Variants in NTN5 observed in about 807,000 individuals in gnomAD.
NTN5 encodes netrin 5.
NTN5 carries 42 observed loss-of-function variants against 38.7 expected under a neutral mutation model. The observed-to-expected ratio is 1.08, with a 90% CI of 0.85 to 1.40. The LOEUF is 1.40. Among genes scored for constraint, NTN5 ranks in the 40% most tolerant of loss-of-function variants. The pLI is 0.00. For synonymous variants in NTN5, 329 were observed against 303.9 expected (o/e 1.08, Z -0.86); for missense variants, 658 against 716.5 (o/e 0.92, Z 0.93).
chr19:48,667,264 A>G, intron 2 of NTN5: 1 of 182,980 alleles, frequency 5.5e-6, no homozygotes, highest in Non-Finnish European at 1.2e-5. Flanking sequence ...GATGTCTGTG[A>G]AGCCCATAGC....
intron 5 of NTN5, 103 bp from the exon 6 acceptor site, chr19:48,663,646 C>A: frequency 6.6e-7 from 1 of 1,522,772 alleles, no homozygotes; most frequent in East Asian, 2.3e-5. Context: ...GCTGGGGTAC[C>A]CAAACCTTTG....
intron 2 of NTN5, among the ~76,000 whole-genome samples, chr19:48,669,804 C>CCATCAT (rs1406421496): frequency 1.2e-5 from 1 of 86,278 alleles, no homozygotes; most frequent in Non-Finnish European, 2.7e-5. Context: ...ACCATCACCA[C>CCATCAT]CATCATCACC....
chr19:48,661,439 C>A lies in NTN5; in HGVS notation c.*238G>T, dbSNP rs532776696. Reference sequence around the variant, plus strand: ...AGATTTGAGACTTTATTGGGGGAAACAGATCACTGGCGGGGAATAAGCCAC... The same window carrying A: ...AGATTTGAGACTTTATTGGGGGAAAAAGATCACTGGCGGGGAATAAGCCAC... On this transcript the variant is annotated 3_prime_UTR_variant, in exon 7 of 7. Transcript: ENST00000270235. The A allele has an allele frequency of 4.9e-6, 2 of 407,290 alleles. No homozygotes were observed. The highest frequency in any genetic ancestry group is 8.5e-6 in the Non-Finnish European group (2 of 234,202). 25.2% of individuals were successfully genotyped at this position (407,290 alleles called of 1,614,324 possible).
At chr19:48,672,368 C>T (rs1279378991) in intron 1 of NTN5, among the ~76,000 whole-genome samples, 2 of 152,174 alleles carry the variant, frequency 1.3e-5, no homozygotes, top group African/African-American at 4.8e-5. Context: ...CTTTCCAGGC[C>T]CTTGGCTCTG....
Position 48,670,955 on chromosome 19 carries a change from A to T in NTN5, c.32T>A (p.Leu11Gln). The T allele has an allele frequency of 6.5e-7, 1 of 1,548,842 alleles. No homozygotes were observed. Among genetic ancestry groups the T allele is most frequent in the Non-Finnish European group, 8.7e-7 (1 of 1,147,060 alleles). The change falls in exon 2 of 7, where the codon CTG becomes CAG. Residue 11 changes from leucine (L) to glutamine (Q), a missense_variant. Leu to Gln is a moderately radical substitution (Grantham distance 113). Coordinates refer to ENST00000270235, the MANE Select transcript of NTN5 (RefSeq NM_145807.4). The part of the protein sequence containing the change: MPVTFALLLL[L>Q]GQATADPCYD... ...GCATGGGTCCGCAGTGGCCTGGCCC[A>T]GGAGGAGCAGGAGGGCAAAGGTCAC...
At chr19:48,672,123 G>A (rs1445842136) in intron 1 of NTN5, among the ~76,000 whole-genome samples, 1 of 152,192 alleles carries the variant, frequency 6.6e-6, no homozygotes, top group Non-Finnish European at 1.5e-5. Flanking sequence ...GAGTTCCCCA[G>A]AGCAGATGGG....
At chr19:48,666,002 ATAGCCCAGGCC>A (rs1382428185) in intron 2 of NTN5, among the ~76,000 whole-genome samples, 1 of 152,244 alleles carries the variant, frequency 6.6e-6, no homozygotes, top group African/African-American at 2.4e-5. Flanking sequence ...TAAAAAGTGC[ATAGCCCAGGCC>A]TGGCGGAGAG....
At chr19:48,662,109 T>A in intron 6 of NTN5, 68 bp from the exon 7 acceptor site, 1 of 1,337,208 alleles carries the variant, frequency 7.5e-7, no homozygotes, top group Non-Finnish European at 9.6e-7. Context: ...TCCCGTGGGG[T>A]CAGTCACAGT....
intron 2 of NTN5, among the ~76,000 whole-genome samples, chr19:48,666,677 C>CTTT (rs35638493): frequency 2.4e-5 from 1 of 41,116 alleles, no homozygotes; most frequent in South Asian, 1.0e-3. Flanking sequence ...ACAGACCACT[C>CTTT]TTTTTTTTTT....
intron 3 of NTN5, 22 bp downstream of exon 3, chr19:48,664,557 C>T (rs1403130586): frequency 6.3e-7 from 1 of 1,584,838 alleles, no homozygotes; most frequent in Admixed American, 1.8e-5. Flanking sequence ...TCCCCCCAGG[C>T]CTGTCTGCAG....
chr19:48,666,142 G>A (rs1601207451), intron 2 of NTN5, among the ~76,000 whole-genome samples: 1 of 152,196 alleles, frequency 6.6e-6, no homozygotes, highest in East Asian at 1.9e-4. Flanking sequence ...TTTACAGAGG[G>A]AGAAAGCTGA....
Position 48,664,654 on chromosome 19 carries a change from G to A in NTN5, c.745C>T (p.Arg249Trp), listed in dbSNP as rs775806148. 6 of 1,612,876 alleles carry A rather than the reference G, an allele frequency of 3.7e-6. No individual in the cohort carries two copies. Among genetic ancestry groups the A allele is most frequent in the Admixed American group, 1.7e-5 (1 of 59,964 alleles). ...CCAGGTTGGCAGTAGTGGCAGTGCC[G>A]CCCAGCTGTGTGGTGGCGGCACCGC... Reference protein sequence around the residue: ...CERCRHHTAGRHCHYCQPGFW... With the variant: ...CERCRHHTAGWHCHYCQPGFW... Residue 249 changes from arginine (R) to tryptophan (W), a missense_variant, in exon 3 of 7, where the codon CGG becomes TGG. By Grantham distance (101) the Arg-to-Trp change is moderately radical. Coordinates refer to ENST00000270235, the MANE Select transcript of NTN5 (RefSeq NM_145807.4).
chr19:48,667,047 C>G (rs952290306), intron 2 of NTN5, among the ~76,000 whole-genome samples: 1 of 152,082 alleles, frequency 6.6e-6, no homozygotes, highest in African/African-American at 2.4e-5. Context: ...AAAAACAACT[C>G]CCCCTCTCCC....
chr19:48,669,094 CCATCACCACTATCACCAT>C (rs2031788874), intron 2 of NTN5, among the ~76,000 whole-genome samples: 2 of 140,398 alleles, frequency 1.4e-5, no homozygotes, highest in East Asian at 2.1e-4. Context: ...ATCACCACCA[CCATCACCACTATCACCAT>C]CATCACCACC....
chr19:48,664,552 C>G (rs746743820), intron 3 of NTN5, 27 bp downstream of exon 3: 25 of 1,577,982 alleles, frequency 1.6e-5, no homozygotes, highest in African/African-American at 5.4e-5. Flanking sequence ...TCTGCTCCCC[C>G]CAGGCCTGTC....
At chr19:48,668,288 G>A (rs1601209393) in intron 2 of NTN5, among the ~76,000 whole-genome samples, 1 of 152,154 alleles carries the variant, frequency 6.6e-6, no homozygotes, top group Non-Finnish European at 1.5e-5. Context: ...GGGGAGTGGC[G>A]ACTTTGGCAG....
intron 2 of NTN5, among the ~76,000 whole-genome samples, chr19:48,666,224 G>A (rs530069869): frequency 6.6e-6 from 1 of 152,292 alleles, no homozygotes; most frequent in East Asian, 1.9e-4. Flanking sequence ...TTGACAGTCT[G>A]AGCTCTTAGC....
In NTN5 at chr19:48,661,635, C is replaced by A. The variant is rs745496710; in HGVS notation, c.*42G>T. ...TAGAAGGCTCAGCTCCTAGTCGCTCCCAAATTACTTTGTTGGTGCTCGAGG... is the reference window on the plus strand; with the variant it reads ...TAGAAGGCTCAGCTCCTAGTCGCTCACAAATTACTTTGTTGGTGCTCGAGG... On this transcript the variant is annotated 3_prime_UTR_variant, in exon 7 of 7. Coordinates refer to ENST00000270235, the MANE Select transcript of NTN5 (RefSeq NM_145807.4). 2.6e-5 allele frequency: 39 copies of A among 1,475,768 alleles called. No homozygotes were observed. In the South Asian group the frequency reaches 5.2e-4, roughly 20 times the overall value. The allele number at this position is 1,475,768 out of a possible 1,614,324, so 91.4% of individuals were successfully genotyped here. A position where few individuals can be genotyped will look rare whatever the true frequency, so the allele number is the denominator to read the frequency against.
At chr19:48,671,467 C>A (rs966767419) in intron 1 of NTN5, among the ~76,000 whole-genome samples, 1 of 151,900 alleles carries the variant, frequency 6.6e-6, no homozygotes, top group Non-Finnish European at 1.5e-5. Flanking sequence ...GGGAGGCGCT[C>A]GGCACAGAGA....
Sources: gnomAD v4.1 joint callset for allele counts (sites outside exome capture counted in the v4.1 genomes callset) on GRCh38, gnomAD v4.1.1 for gene constraint, MANE v1.5 for transcripts, NCBI Gene and HGNC (gene_info 2026-07-23, HGNC 2026-07-21) for gene names.